Variants in SEMA3E observed in about 807,000 individuals in gnomAD.
SEMA3E encodes semaphorin-3E.
A neutral mutation model predicts 93.6 loss-of-function variants in SEMA3E; 49 were observed. The observed-to-expected ratio is 0.52, with a 90% CI of 0.42 to 0.66. The LOEUF (loss-of-function observed/expected upper bound fraction) is 0.66. SEMA3E is among the 30% of genes least tolerant of loss of function. The probability of loss-of-function intolerance (pLI) is 0.00; values close to 1 mark genes in which losing one functional copy is unlikely to be tolerated. For synonymous variants in SEMA3E, 363 were observed against 330.7 expected (o/e 1.10, Z -1.06); for missense variants, 906 against 964.8 (o/e 0.94, Z 0.81).
At chr7:83,416,487 T>A (rs7787609) in intron 5 of SEMA3E, among the ~76,000 whole-genome samples, 1 of 152,002 alleles carries the variant, frequency 6.6e-6, no homozygotes, top group African/African-American at 2.4e-5. Context: ...TCATAGAAAT[T>A]ATTATTAACT....
At chr7:83,369,556 A>T (rs931741447) in intron 16 of SEMA3E, among the ~76,000 whole-genome samples, 3 of 152,188 alleles carry the variant, frequency 2.0e-5, no homozygotes, top group Non-Finnish European at 4.4e-5. Flanking sequence ...AAGAGTCTCC[A>T]TAAGTCTTTT....
At chr7:83,416,957 G>A (rs368603273) in intron 5 of SEMA3E, among the ~76,000 whole-genome samples, 10 of 148,202 alleles carry the variant, frequency 6.7e-5, no homozygotes, top group African/African-American at 7.5e-5. Context: ...CATATTTAAA[G>A]TCTTCCTTTT....
intron 1 of SEMA3E, among the ~76,000 whole-genome samples, chr7:83,553,733 T>C (rs1791825643): frequency 6.6e-6 from 1 of 152,202 alleles, no homozygotes; most frequent in Admixed American, 6.5e-5. Context: ...ATTTTCTTTT[T>C]ATATTTTTGT....
At chr7:83,540,963 C>A (rs1791518682) in intron 1 of SEMA3E, among the ~76,000 whole-genome samples, 1 of 152,046 alleles carries the variant, frequency 6.6e-6, no homozygotes, top group African/African-American at 2.4e-5. Flanking sequence ...AAAGTGGTAT[C>A]CAGATGACTT....
At chr7:83,423,310 T>C (rs1788705162) in intron 4 of SEMA3E, among the ~76,000 whole-genome samples, 1 of 152,156 alleles carries the variant, frequency 6.6e-6, no homozygotes, top group Non-Finnish European at 1.5e-5. Flanking sequence ...CTCAGAGATG[T>C]ATGTATGTCT....
chr7:83,367,762 C>T lies in SEMA3E; in HGVS notation c.2152G>A (p.Gly718Ser), dbSNP rs148649507. Reference sequence around the variant, plus strand: ...TCCACTCTCTGGAAGTTGCTATAACCGATCAGCTGCAAGAATTCCTTGTAC... The same window carrying T: ...TCCACTCTCTGGAAGTTGCTATAACTGATCAGCTGCAAGAATTCCTTGTAC... The part of the protein sequence containing the change: ...PWYKEFLQLI[G>S]YSNFQRVEEY... The change falls in exon 17 of 17, where the codon GGT becomes AGT. Residue 718 changes from glycine to serine, a missense_variant. Transcript: ENST00000643230. The T allele has an allele frequency of 1.0e-4, 164 of 1,613,938 alleles. No homozygotes were observed. Among genetic ancestry groups the T allele is most frequent in the Non-Finnish European group, 1.0e-4 (118 of 1,180,004 alleles).
intron 1 of SEMA3E, among the ~76,000 whole-genome samples, chr7:83,618,266 C>T (rs886778796): frequency 1.3e-5 from 2 of 151,942 alleles, no homozygotes; most frequent in Non-Finnish European, 2.9e-5. Flanking sequence ...GTAATTAACC[C>T]AAAATCACAC....
At chr7:83,538,924 G>A (rs1371517845) in intron 1 of SEMA3E, among the ~76,000 whole-genome samples, 8 of 152,232 alleles carry the variant, frequency 5.3e-5, no homozygotes, top group African/African-American at 1.7e-4. Flanking sequence ...TCTCTCTTAT[G>A]TTGGAGACTT....
intron 1 of SEMA3E, among the ~76,000 whole-genome samples, chr7:83,551,649 A>C (rs1048799687): frequency 1.3e-5 from 2 of 152,182 alleles, no homozygotes; most frequent in Non-Finnish European, 2.9e-5. Flanking sequence ...ACTCATACTA[A>C]AACATTTGAA....
intron 1 of SEMA3E, among the ~76,000 whole-genome samples, chr7:83,515,999 C>T (rs1790919916): frequency 6.6e-6 from 1 of 152,092 alleles, no homozygotes; most frequent in Non-Finnish European, 1.5e-5. Flanking sequence ...TGGCCTTGAG[C>T]CTGGGCGACA....
At chr7:83,522,440 G>A (rs2109545) in intron 1 of SEMA3E, among the ~76,000 whole-genome samples, 80,397 of 151,860 alleles carry the variant, frequency 0.53, 23,574 homozygotes, top group Middle Eastern at 0.7. Context: ...CTCTATCAGG[G>A]TACATCTAGG....
chr7:83,637,581 T>G (rs1793905196), intron 1 of SEMA3E, among the ~76,000 whole-genome samples: 1 of 152,100 alleles, frequency 6.6e-6, no homozygotes, highest in Non-Finnish European at 1.5e-5. Flanking sequence ...GCTCTTCTTC[T>G]GACAGTGTGT....
intron 7 of SEMA3E, among the ~76,000 whole-genome samples, chr7:83,406,864 C>T (rs907479019): frequency 6.6e-5 from 10 of 151,976 alleles, no homozygotes; most frequent in East Asian, 1.9e-4. Context: ...TAATCATAGA[C>T]GATTTCTTCT....
rs1344285386 is a variant in SEMA3E, at chr7:83,549,654, C to T, written c.116-59380G>A. On this transcript the variant is annotated intron_variant, in intron 1 of 16. Coordinates refer to ENST00000643230, the MANE Select transcript of SEMA3E (RefSeq NM_012431.3). ...CCATAGGACATTTTCACCAATATTA[C>T]TATTAAAGATAAACAGTAAAATGTA... 3.3e-5 allele frequency among the ~76,000 whole-genome samples: 5 copies of T among 151,966 alleles called. No homozygotes were observed. In the East Asian group the frequency reaches 9.7e-4, roughly 29 times the overall value.
At chr7:83,436,316 G>A (rs1164501891) in intron 4 of SEMA3E, among the ~76,000 whole-genome samples, 1 of 147,060 alleles carries the variant, frequency 6.8e-6, no homozygotes, top group Non-Finnish European at 1.5e-5. Context: ...GAAAATGTGG[G>A]GGAGGAAGAA....
chr7:83,464,901 T>C (rs1267818226), intron 4 of SEMA3E, among the ~76,000 whole-genome samples: 1 of 150,812 alleles, frequency 6.6e-6, no homozygotes, highest in Non-Finnish European at 1.5e-5. Flanking sequence ...ACTTCAACAC[T>C]ATTTTATTTT....
chr7:83,370,981 T>C (rs1310129531), intron 16 of SEMA3E, among the ~76,000 whole-genome samples: 3 of 152,194 alleles, frequency 2.0e-5, no homozygotes, highest in African/African-American at 7.2e-5. Context: ...TTTGTAAATC[T>C]AGAACCCAAA....
At chr7:83,588,627 A>G (rs1792684201) in intron 1 of SEMA3E, among the ~76,000 whole-genome samples, 1 of 152,178 alleles carries the variant, frequency 6.6e-6, no homozygotes, top group African/African-American at 2.4e-5. Flanking sequence ...CTATAGATGC[A>G]TTTCCAAATA....
intron 1 of SEMA3E, among the ~76,000 whole-genome samples, chr7:83,497,845 C>G (rs1790519123): frequency 6.6e-6 from 1 of 152,118 alleles, no homozygotes; most frequent in Non-Finnish European, 1.5e-5. Flanking sequence ...TCATAAACCA[C>G]TTTCCAAAGA....
Sources: gnomAD v4.1 joint callset for allele counts (sites outside exome capture counted in the v4.1 genomes callset) on GRCh38, gnomAD v4.1.1 for gene constraint, MANE v1.5 for transcripts, NCBI Gene and HGNC (gene_info 2026-07-23, HGNC 2026-07-21) for gene names.